The following TRIT1 variants were observed in gnomAD, a reference collection of about 807,000 sequenced individuals.
TRIT1 encodes the protein tRNA isopentenyltransferase 1.
Under a neutral mutation model 51.2 loss-of-function variants are expected in TRIT1, and 43 were observed. The observed-to-expected ratio is 0.84, with a 90% CI of 0.66 to 1.08. TRIT1 has a LOEUF of 1.08. Ranked by LOEUF, TRIT1 falls within the 50% of genes least tolerant of loss-of-function variation. The pLI, the probability that TRIT1 is intolerant of heterozygous loss-of-function variation, is 0.00. For missense variants in TRIT1, 528 were observed against 578.4 expected, an observed-to-expected ratio of 0.91 and a Z score of 0.89; for synonymous variants, 184 against 203.9, an observed-to-expected ratio of 0.90 and a Z score of 0.83.
intron 1 of TRIT1, among the ~76,000 whole-genome samples, chr1:39,877,019 C>CAAA (rs529375001): frequency 7.5e-4 from 56 of 74,594 alleles, no homozygotes; most frequent in East Asian, 6.6e-3. Flanking sequence ...AATGGGTCTT[C>CAAA]AAAAAAAAAA....
intron 8 of TRIT1, among the ~76,000 whole-genome samples, chr1:39,845,015 T>C (rs939209519): frequency 6.6e-6 from 1 of 152,242 alleles, no homozygotes; most frequent in African/African-American, 2.4e-5. Flanking sequence ...CATCTTACAA[T>C]GATGGCGATC....
At chr1:39,876,063 A>AGCAGAGCCC (rs1206966852) in intron 1 of TRIT1, 2 of 151,376 alleles carry the variant, frequency 1.3e-5, no homozygotes, top group Non-Finnish European at 3.0e-5. Context: ...GCTACTCACA[A>AGCAGAGCCC]GCAGAGCCCC....
chr1:39,867,013 T>C (rs1245709832), intron 1 of TRIT1, among the ~76,000 whole-genome samples: 2 of 152,174 alleles, frequency 1.3e-5, no homozygotes, highest in Non-Finnish European at 2.9e-5. Flanking sequence ...CAGGAGAATC[T>C]GTGCCTGATC....
intron 1 of TRIT1, among the ~76,000 whole-genome samples, chr1:39,863,121 T>C (rs776730366): frequency 1.3e-4 from 20 of 152,224 alleles, no homozygotes; most frequent in Non-Finnish European, 2.6e-4. Context: ...TTACTAAGCG[T>C]CTACTATGTG....
At position 39,852,721 on chromosome 1, in the gene TRIT1, G is replaced by T. The variant is rs893452962; in HGVS notation, c.560+10C>A. 1.2e-6 allele frequency: 2 copies of T among 1,612,376 alleles called. No homozygotes were observed. The highest frequency in any genetic ancestry group is 1.6e-4 in the Middle Eastern group (1 of 6,064). On this transcript the variant is annotated intron_variant, in intron 4 of 10. Coordinates refer to ENST00000316891, the MANE Select transcript of TRIT1 (RefSeq NM_017646.6). ...AAGGAATTTGGGGTCAGCGCGCCAG[G>T]CTTTCTTACCTGGCCACTTTGCGTT... is the stretch of plus-strand genomic sequence containing the variant.
Position 39,847,349 on chromosome 1 carries a change from CAG to C in TRIT1, c.929-54_929-53del, listed in dbSNP as rs769994345. ...ATCTAGGTAAGCACTCCTTACCCTGCAGAGAGGCAGGCCCTCCCAGCCCAGCA... is the reference window on the plus strand; with the variant it reads ...ATCTAGGTAAGCACTCCTTACCCTGCAGAGGCAGGCCCTCCCAGCCCAGCA... On this transcript the variant is annotated intron_variant, in intron 7 of 10. Transcript: ENST00000316891. 2.6e-6 allele frequency: 4 copies of C among 1,549,710 alleles called. No homozygotes were observed. In the Admixed American group the frequency reaches 5.1e-5, roughly 20 times the overall value.
intron 4 of TRIT1, among the ~76,000 whole-genome samples, chr1:39,851,455 C>G (rs1435403326): frequency 6.6e-6 from 1 of 151,946 alleles, no homozygotes; most frequent in Non-Finnish European, 1.5e-5. Flanking sequence ...CATAATGTTC[C>G]TAGGTTTAAA....
At position 39,841,871 on chromosome 1, in the gene TRIT1, C is replaced by T. The variant is rs1319925746; in HGVS notation, c.1277G>A (p.Arg426Lys). The change falls in exon 11 of 11, where the codon AGA becomes AAA. Residue 426 changes from arginine (R) to lysine (K), a missense_variant. By Grantham distance (26) the Arg-to-Lys change is conservative. Around this residue, in one of 3 missense-constraint regions of TRIT1, gnomAD observed 468 missense variants for 522.6 expected, o/e 0.90. Coordinates refer to ENST00000316891, the MANE Select transcript of TRIT1 (RefSeq NM_017646.6). ...GACAGCATCTGAGTCCAATCTTCTT[C>T]TTTTCTTCAGTTGGTTCAAGTGGGA... ...SKSHLNQLKK[R>K]RRLDSDAVNT... The T allele has an allele frequency of 6.8e-6, 11 of 1,613,846 alleles. No individual in the cohort carries two copies.
At chr1:39,850,346 G>T (rs1287576811) in intron 4 of TRIT1, 85 bp from the exon 5 acceptor site, 1 of 1,516,458 alleles carries the variant, frequency 6.6e-7, no homozygotes, top group South Asian at 1.2e-5. Context: ...AAGGAGAAAG[G>T]CTGTTTATTA....
intron 2 of TRIT1, among the ~76,000 whole-genome samples, chr1:39,856,072 C>T (rs1432725422): frequency 2.0e-5 from 3 of 151,974 alleles, no homozygotes; most frequent in Non-Finnish European, 4.4e-5. Flanking sequence ...TTTGGAAGGC[C>T]GAGGCAGGTG....
Position 39,844,656 on chromosome 1 carries a change from A to C in TRIT1, c.1007-16T>G. 6.3e-7 allele frequency: 1 copy of C among 1,594,012 alleles called. No homozygotes were observed. On this transcript the variant is annotated splice_polypyrimidine_tract_variant and intron_variant, in intron 8 of 10. Coordinates refer to ENST00000316891, the MANE Select transcript of TRIT1 (RefSeq NM_017646.6). ...GGACCAGGTCCTAATGATGACAAAG[A>C]AAGGTTGTGAGAGGTCAGCCTCAAA...
intron 1 of TRIT1, among the ~76,000 whole-genome samples, chr1:39,875,288 G>A (rs1283587942): frequency 6.6e-6 from 1 of 151,916 alleles, no homozygotes; most frequent in South Asian, 2.1e-4. Flanking sequence ...AGGAGTTCGA[G>A]ACCAGCCTGA....
chr1:39,866,558 C>T (rs1643568121), intron 1 of TRIT1, among the ~76,000 whole-genome samples: 1 of 152,098 alleles, frequency 6.6e-6, no homozygotes, highest in African/African-American at 2.4e-5. Context: ...TTAAACATAA[C>T]TTCAGTAGGT....
chr1:39,880,376 T>C (rs528016006), intron 1 of TRIT1, among the ~76,000 whole-genome samples: 32 of 152,246 alleles, frequency 2.1e-4, no homozygotes, highest in Admixed American at 2.0e-3. Context: ...GTGGAGTTAC[T>C]TGAAATTGAA....
intron 5 of TRIT1, 128 bp downstream of exon 5, chr1:39,849,991 A>G: frequency 1.0e-6 from 1 of 956,734 alleles, no homozygotes; most frequent in East Asian, 2.6e-5. Context: ...TAATGATAAT[A>G]AAATTAATAG....
chr1:39,846,985 G>C (rs112879193), intron 8 of TRIT1: 24 of 424,126 alleles, frequency 5.7e-5, no homozygotes, highest in African/African-American at 3.0e-4. Flanking sequence ...TTTGCAGCCA[G>C]TATCCATCTG....
chr1:39,844,741 G>A, intron 8 of TRIT1, 101 bp from the exon 9 acceptor site: 1 of 784,196 alleles, frequency 1.3e-6, no homozygotes, highest in South Asian at 1.5e-5. Context: ...AGAGCCAAAG[G>A]AGTAAACATT....
At chr1:39,876,797 G>A (rs890612906) in intron 1 of TRIT1, among the ~76,000 whole-genome samples, 1 of 151,394 alleles carries the variant, frequency 6.6e-6, no homozygotes, top group Non-Finnish European at 1.5e-5. Flanking sequence ...GCGTGGTGGC[G>A]GGCGCCTGTA....
At chr1:39,869,840 G>A (rs1278702609) in intron 1 of TRIT1, among the ~76,000 whole-genome samples, 8 of 151,674 alleles carry the variant, frequency 5.3e-5, no homozygotes, top group Non-Finnish European at 5.9e-5. Context: ...CAGCCGCCCC[G>A]TCTGGGAAGT....
Sources: allele counts gnomAD v4.1 joint callset (sites outside exome capture counted in the v4.1 genomes callset), GRCh38; gene constraint gnomAD v4.1.1; regional missense constraint gnomAD v4.1.1; transcripts MANE v1.5; gene names NCBI Gene and HGNC (gene_info 2026-07-23, HGNC 2026-07-21).